SEPTIN4: variants seen among roughly 807,000 people sequenced by gnomAD.
The protein encoded by SEPTIN4 is septin-4.
SEPTIN4 carries 52 observed loss-of-function variants against 107.1 expected under a neutral mutation model. That is an observed-to-expected ratio of 0.49 (90% CI 0.39 to 0.61). SEPTIN4 has a LOEUF of 0.61. Among genes scored for constraint, SEPTIN4 ranks in the 20% least tolerant of loss-of-function variants. The pLI is 0.00. For missense variants in SEPTIN4, 1,048 were observed against 1,243.5 expected, an observed-to-expected ratio of 0.84 and a Z score of 2.36; for synonymous variants, 417 against 467.0, an observed-to-expected ratio of 0.89 and a Z score of 1.38.
At position 58,542,778 on chromosome 17, in the gene SEPTIN4, C is replaced by T. The variant is rs2043914875; in HGVS notation, c.1409G>A (p.Cys470Tyr). 1.2e-6 allele frequency: 2 copies of T among 1,614,064 alleles called. No homozygotes were observed. Among genetic ancestry groups the T allele is most frequent in the Admixed American group, 1.7e-5 (1 of 60,000 alleles). ...SGFKIDSSPFCEDLKFQREKA... is the reference protein window; with the variant it reads ...SGFKIDSSPFYEDLKFQREKA... ...CTCTCTCTGGAACTTCAGATCCTCA[C>T]AGAAAGGGCTAGAGTCTATTTTAAA... The change falls in exon 1 of 14, where the codon TGT (cysteine) becomes TAT (tyrosine). Residue 470 changes from cysteine to tyrosine, a missense_variant. By Grantham distance (194) the Cys-to-Tyr change is radical (BLOSUM62 -2). Around this residue, in one of 2 missense-constraint regions of SEPTIN4, gnomAD observed 787 missense variants for 871.8 expected, o/e 0.90. Transcript: ENST00000672673.
chr17:58,520,712 A>G (rs1383012235), intron 13 of SEPTIN4, 31 bp downstream of exon 13: 1 of 1,611,214 alleles, frequency 6.2e-7, no homozygotes, highest in Non-Finnish European at 8.5e-7. Flanking sequence ...ATCAAACAGG[A>G]GACCTCCCCT....
intron 3 of SEPTIN4, 33 bp from the exon 4 acceptor site, chr17:58,527,011 T>A (rs757278533): frequency 1.9e-6 from 3 of 1,612,600 alleles, no homozygotes. Context: ...AATAGATGGG[T>A]GGTGCCGGGA....
At chr17:58,520,611 ACAGAAC>A in intron 13 of SEPTIN4, 126 bp from the exon 14 acceptor site, 1 of 1,503,106 alleles carries the variant, frequency 6.7e-7, no homozygotes, top group Non-Finnish European at 9.2e-7. Context: ...GAGACTCTGG[ACAGAAC>A]CACCTATTGA....
intron 2 of SEPTIN4, 123 bp downstream of exon 2, chr17:58,541,799 G>A (rs757306154): frequency 1.2e-6 from 2 of 1,607,390 alleles, no homozygotes; most frequent in South Asian, 2.2e-5. Context: ...GCTTCTTCAG[G>A]TCAAAATCCC....
Position 58,538,081 on chromosome 17 carries a change from C to T in SEPTIN4, c.1614+2585G>A, listed in dbSNP as rs1353855577. 3.3e-5 allele frequency among the ~76,000 whole-genome samples: 5 copies of T among 152,096 alleles called. No homozygotes were observed. Among genetic ancestry groups the T allele is most frequent in the Non-Finnish European group, 7.4e-5 (5 of 68,002 alleles). On this transcript the variant is annotated intron_variant, in intron 3 of 13. Coordinates refer to ENST00000672673, the MANE Select transcript of SEPTIN4 (RefSeq NM_001368771.2). This position sits in a 1 kb window ranked among gnomAD's most constrained non-coding sequence, Gnocchi z 4.7. The stretch of plus-strand genomic sequence containing the variant: ...CTGCACTCCAACCTGGGCAACAGAA[C>T]ACTTTAAAAAAAAGCGAGGGAGGGT...
At position 58,526,573 on chromosome 17, in the gene SEPTIN4, A is replaced by AAACACAC. The variant is rs2042913199; in HGVS notation, c.1911+108_1911+109insGTGTGTT. ...TAGGTCCCAGATACACACACACACA[A>AAACACAC]ACACACACACACACACACACACACA... is the stretch of plus-strand genomic sequence containing the variant. On this transcript the variant is annotated intron_variant, in intron 4 of 13. Transcript: ENST00000672673. 19 of 1,303,892 alleles carry AAACACAC rather than the reference A, an allele frequency of 1.5e-5. No homozygotes were observed. In the African/African-American group the frequency reaches 3.2e-4, roughly 22 times the overall value. The allele number at this position is 1,303,892 out of a possible 1,614,324, so 80.8% of individuals were successfully genotyped here. A position where few individuals can be genotyped will look rare whatever the true frequency, so the allele number is the denominator to read the frequency against.
rs748886952 is a variant in SEPTIN4, at chr17:58,541,960, G to A, written c.1568C>T (p.Ser523Phe). 3.2e-5 allele frequency: 51 copies of A among 1,613,822 alleles called. No individual in the cohort carries two copies. Among genetic ancestry groups the A allele is most frequent in the Non-Finnish European group, 4.1e-5 (48 of 1,179,988 alleles). The part of the protein sequence containing the change: ...QRFTAFFLDV[S>F]EEMYNRVIWW... ...GATGACACGATTGTACATTTCCTCAGAGACATCTGAAAGTAACAGAGAGAT... is the reference window on the plus strand; with the variant it reads ...GATGACACGATTGTACATTTCCTCAAAGACATCTGAAAGTAACAGAGAGAT... The change falls in exon 2 of 14, where the codon TCT (serine) becomes TTT (phenylalanine). Residue 523 changes from serine (S) to phenylalanine (F), a missense_variant. Coordinates refer to ENST00000672673, the MANE Select transcript of SEPTIN4 (RefSeq NM_001368771.2).
chr17:58,522,654 C>CAAAAAAA (rs1233539293), intron 7 of SEPTIN4, among the ~76,000 whole-genome samples: 6 of 52,666 alleles, frequency 1.1e-4, no homozygotes, highest in African/African-American at 2.0e-4. Context: ...CAGACTGTCA[C>CAAAAAAA]AAAAAAAAAA....
chr17:58,525,013 G>T (rs780757307), intron 7 of SEPTIN4, 65 bp downstream of exon 7: 5 of 1,605,958 alleles, frequency 3.1e-6, no homozygotes, highest in Non-Finnish European at 4.3e-6. Flanking sequence ...CTGGGCCTAC[G>T]TGTGTACCTG....
Position 58,542,825 on chromosome 17 carries a change from G to A in SEPTIN4, c.1362C>T (p.Ser454=). Residue 454 remains serine (S), a synonymous_variant, in exon 1 of 14, where the codon TCC becomes TCT. Coordinates refer to ENST00000672673, the MANE Select transcript of SEPTIN4 (RefSeq NM_001368771.2). ...TPDFEPKCSP[S]LDLLLSGFKI... The stretch of plus-strand genomic sequence containing the variant: ...TAAAACCGGACAATAAAAGATCTAG[G>A]GAAGGAGAGCACTTAGGCTCAAAAT... 1 of 1,614,134 alleles carries A rather than the reference G, an allele frequency of 6.2e-7. No homozygotes were observed. The highest frequency in any genetic ancestry group is 1.1e-5 in the South Asian group (1 of 91,080).
At position 58,543,436 on chromosome 17, in the gene SEPTIN4, C is replaced by T; in HGVS notation, c.751G>A (p.Gly251Ser). The T allele has an allele frequency of 6.2e-7, 1 of 1,614,186 alleles. No individual in the cohort carries two copies. Among genetic ancestry groups the T allele is most frequent in the Non-Finnish European group, 8.5e-7 (1 of 1,180,048 alleles). Residue 251 changes from glycine (G) to serine (S), a missense_variant, in exon 1 of 14, where the codon GGT becomes AGT. Physicochemically the swap from Gly to Ser is moderately conservative, Grantham distance 56. Around this residue, in one of 2 missense-constraint regions of SEPTIN4, gnomAD observed 787 missense variants for 871.8 expected, o/e 0.90. Transcript: ENST00000672673. ...TTTGAAGGAATTGGACCGTAAGGAC[C>T]TGTTTCTGATTCTTCTACAGGGACC... ...RRVPVEESET[G>S]PYGPIPSKPK... is the part of the protein sequence containing the mutation.
intron 7 of SEPTIN4, among the ~76,000 whole-genome samples, chr17:58,522,644 C>A: frequency 7.4e-6 from 1 of 135,744 alleles, no homozygotes; most frequent in Non-Finnish European, 1.5e-5. Flanking sequence ...GTGATGGAGC[C>A]AGACTGTCAC....
At chr17:58,539,290 CAA>C in intron 3 of SEPTIN4, 1 of 823,772 alleles carries the variant, frequency 1.2e-6, no homozygotes, top group Non-Finnish European at 1.8e-6. Context: ...TAAACTAAAA[CAA>C]GATGCACAGA....
chr17:58,532,010 G>C, intron 3 of SEPTIN4: 1 of 1,136,636 alleles, frequency 8.8e-7, no homozygotes, highest in Non-Finnish European at 1.1e-6. Context: ...GCGCCCGAGC[G>C]ACCCGCGGCG....
intron 7 of SEPTIN4, among the ~76,000 whole-genome samples, chr17:58,523,801 T>C (rs2042537979): frequency 6.6e-6 from 1 of 152,156 alleles, no homozygotes; most frequent in Admixed American, 6.6e-5. Context: ...ATTACCATTG[T>C]TAAAATTCCT....
intron 3 of SEPTIN4, chr17:58,527,292 GT>G (rs931850424): frequency 2.3e-5 from 12 of 524,882 alleles, no homozygotes; most frequent in South Asian, 1.7e-4. Context: ...TCAGCAGCAT[GT>G]TTTTTGAGGC....
At chr17:58,525,624 C>A in intron 6 of SEPTIN4, 71 bp downstream of exon 6, 1 of 1,346,862 alleles carries the variant, frequency 7.4e-7, no homozygotes, top group African/African-American at 1.4e-5. Flanking sequence ...GGGAGAGCCC[C>A]ATCCCCCAGA....
Position 58,538,996 on chromosome 17 carries a change from C to T in SEPTIN4, c.1614+1670G>A, listed in dbSNP as rs369231280. The T allele has an allele frequency of 1.0e-5, 6 of 574,696 alleles. No homozygotes were observed. Among genetic ancestry groups the T allele is most frequent in the African/African-American group, 3.8e-5 (2 of 52,308 alleles). 35.6% of individuals were successfully genotyped at this position (574,696 alleles called of 1,614,324 possible). A position where few individuals can be genotyped will look rare whatever the true frequency, so the allele number is the denominator to read the frequency against. On this transcript the variant is annotated intron_variant, in intron 3 of 13. Coordinates refer to ENST00000672673, the MANE Select transcript of SEPTIN4 (RefSeq NM_001368771.2). This position sits in a 1 kb window ranked among gnomAD's most constrained non-coding sequence, Gnocchi z 4.7. ...GAATCAGAGGCCTTGGACACCAGCA[C>T]CACAGCGTCTCCATCCTGAGGCTGC...
Position 58,520,309 on chromosome 17 carries a change from A to G in SEPTIN4, c.*117T>C. ...TCCTCTGAGTCTCTGGGCAGTCAGC[A>G]GGGATGTAAGGCGAAGTGGCAGTAG... On this transcript the variant is annotated 3_prime_UTR_variant, in exon 14 of 14. Transcript: ENST00000672673. 2.3e-6 allele frequency: 2 copies of G among 856,270 alleles called. No homozygotes were observed. 53.0% of individuals were successfully genotyped at this position (856,270 alleles called of 1,614,324 possible).
Sources: allele counts gnomAD v4.1 joint callset (sites outside exome capture counted in the v4.1 genomes callset), GRCh38; gene constraint gnomAD v4.1.1; regional missense constraint gnomAD v4.1.1; non-coding constraint Gnocchi (gnomAD v3.1); transcripts MANE v1.5; gene names NCBI Gene and HGNC (gene_info 2026-07-23, HGNC 2026-07-21).